The following ABI3BP variants were observed in gnomAD, a reference collection of about 807,000 sequenced individuals.
ABI3BP encodes ABI family member 3 binding protein, also known as target of Nesh-SH3.
In ABI3BP, 216 loss-of-function variants were observed where a neutral mutation model predicts 268.6. The ratio of observed to expected loss-of-function variants is 0.80; its 90% CI spans 0.72 to 0.90. The LOEUF (loss-of-function observed/expected upper bound fraction) is 0.90. Among genes scored for constraint, ABI3BP ranks in the 40% least tolerant of loss-of-function variants. The pLI, the probability that ABI3BP is intolerant of heterozygous loss-of-function variation, is 0.00. For missense variants in ABI3BP, 2,090 were observed against 2,182.4 expected, an observed-to-expected ratio of 0.96 and a Z score of 0.84; for synonymous variants, 730 against 730.0, an observed-to-expected ratio of 1.00 and a Z score of 0.00.
chr3:100,984,472 C>T (rs17398929), intron 1 of ABI3BP, among the ~76,000 whole-genome samples: 2,509 of 152,270 alleles, frequency 0.016, 38 homozygotes, highest in Non-Finnish European at 0.025. Context: ...AAAGTATGAT[C>T]CTTGACTGGA....
Position 100,750,370 on chromosome 3 carries a change from A to G in ABI3BP, c.*125T>C. 3 of 613,222 alleles carry G rather than the reference A, an allele frequency of 4.9e-6. No homozygotes were observed. The highest frequency in any genetic ancestry group is 8.2e-6 in the Non-Finnish European group (3 of 365,888). 38.0% of individuals were successfully genotyped at this position (613,222 alleles called of 1,614,324 possible). A position where few individuals can be genotyped will look rare whatever the true frequency, so the allele number is the denominator to read the frequency against. On this transcript the variant is annotated 3_prime_UTR_variant, in exon 68 of 68. Coordinates refer to ENST00000471714, the MANE Select transcript of ABI3BP (RefSeq NM_001375547.2). Reference sequence around the variant, plus strand: ...TCTTTTCTAATAATAAACATCTAGTATTGCTATTAATTAGATTGTAGACTT... The same window carrying G: ...TCTTTTCTAATAATAAACATCTAGTGTTGCTATTAATTAGATTGTAGACTT...
chr3:100,833,741 G>T (rs995865493), intron 29 of ABI3BP, among the ~76,000 whole-genome samples: 1 of 152,286 alleles, frequency 6.6e-6, no homozygotes, highest in Admixed American at 6.5e-5. Context: ...TCTAGGTTAG[G>T]AGAGCGTGCT....
intron 4 of ABI3BP, among the ~76,000 whole-genome samples, chr3:100,892,437 T>A (rs2045165718): frequency 6.6e-6 from 1 of 152,244 alleles, no homozygotes; most frequent in Non-Finnish European, 1.5e-5. Flanking sequence ...AATAAAGTGA[T>A]GGGAAAAGTA....
chr3:100,872,018 AT>A (rs540869593), intron 9 of ABI3BP, among the ~76,000 whole-genome samples: 50 of 152,048 alleles, frequency 3.3e-4, no homozygotes, highest in Admixed American at 5.9e-4. Flanking sequence ...TTATTTTAAT[AT>A]TTTTTGTAAA....
At chr3:100,818,299 C>T (rs565169503) in intron 41 of ABI3BP, among the ~76,000 whole-genome samples, 6 of 152,316 alleles carry the variant, frequency 3.9e-5, no homozygotes, top group African/African-American at 1.2e-4. Context: ...TCGCATGACA[C>T]ATTGAACGGT....
At chr3:100,886,110 G>A in intron 5 of ABI3BP, 32 bp downstream of exon 5, 1 of 1,501,562 alleles carries the variant, frequency 6.7e-7, no homozygotes, top group Non-Finnish European at 8.9e-7. Context: ...AATTATAAAA[G>A]CTTACTGAAA....
Position 100,841,194 on chromosome 3 carries a change from C to CTTTTTTTT in ABI3BP, c.1766-344_1766-337dup, listed in dbSNP as rs60261694. 6.9e-3 allele frequency among the ~76,000 whole-genome samples: 275 copies of CTTTTTTTT among 39,596 alleles called. 25 individuals carry two copies. Among genetic ancestry groups the CTTTTTTTT allele is most frequent in the Middle Eastern group, 0.026 (1 of 38 alleles). The allele number at this position is 39,596 out of a possible 152,430, so 26.0% of individuals were successfully genotyped here. A position where few individuals can be genotyped will look rare whatever the true frequency, so the allele number is the denominator to read the frequency against. The stretch of plus-strand genomic sequence containing the variant: ...AATTGGCTAAGATGGCATTAGAACA[C>CTTTTTTTT]TTTTTTTTTTTTTTTTTTTTTTTTT... On this transcript the variant is annotated intron_variant, in intron 21 of 67. Transcript: ENST00000471714.
chr3:100,749,458 T>C lies in ABI3BP; in HGVS notation c.*1037A>G, dbSNP rs1006857775. On this transcript the variant is annotated 3_prime_UTR_variant, in exon 68 of 68. Coordinates refer to ENST00000471714, the MANE Select transcript of ABI3BP (RefSeq NM_001375547.2). ...CAGGGAAAGGTCCTTTCAGAATGAC[T>C]GCAACAGTGCAGCAAGGATTCCCAT... The C allele has an allele frequency of 2.4e-4, 94 of 393,286 alleles. No individual in the cohort carries two copies. The Middle Eastern group carries it at 3.2e-3, about 13-fold the overall frequency. 24.4% of individuals were successfully genotyped at this position (393,286 alleles called of 1,614,324 possible).
intron 16 of ABI3BP, 111 bp downstream of exon 16, chr3:100,850,545 GGATA>G (rs1338860296): frequency 1.2e-4 from 91 of 752,208 alleles, no homozygotes; most frequent in Non-Finnish European, 4.7e-5. Context: ...TTGAGAAATA[GGATA>G]GATAAATGAT....
chr3:100,766,081 G>T (rs2096257188), intron 62 of ABI3BP, 132 bp from the exon 63 acceptor site: 1 of 633,348 alleles, frequency 1.6e-6, no homozygotes, highest in South Asian at 2.0e-5. Context: ...GAGACATATT[G>T]ATCTTACACA....
chr3:100,848,679 G>T, intron 18 of ABI3BP, 122 bp downstream of exon 18: 2 of 877,860 alleles, frequency 2.3e-6, no homozygotes, highest in Non-Finnish European at 3.7e-6. Flanking sequence ...CTCCTGCCTT[G>T]GCCTCCCAAA....
chr3:100,899,757 A>G (rs1355482281), intron 3 of ABI3BP, among the ~76,000 whole-genome samples: 4 of 152,222 alleles, frequency 2.6e-5, no homozygotes, highest in Admixed American at 6.5e-5. Flanking sequence ...TAATAAAACT[A>G]CACAGAATAT....
intron 10 of ABI3BP, 42 bp downstream of exon 10, chr3:100,866,837 T>C (rs781614931): frequency 1.3e-6 from 2 of 1,554,558 alleles, no homozygotes; most frequent in African/African-American, 1.4e-5. Flanking sequence ...AAAAAAAGCA[T>C]TTTTTCTTTT....
chr3:100,792,758 G>C lies in ABI3BP; in HGVS notation c.3957C>G (p.Asp1319Glu). 6.2e-7 allele frequency: 1 copy of C among 1,611,104 alleles called. No homozygotes were observed. The highest frequency in any genetic ancestry group is 1.3e-5 in the African/African-American group (1 of 74,848). Residue 1319 changes from aspartate to glutamate, a missense_variant, in exon 55 of 68, where the codon GAC becomes GAG. Coordinates refer to ENST00000471714, the MANE Select transcript of ABI3BP (RefSeq NM_001375547.2). ...EELQTTLEET[D>E]QSTQEPFTTK... is the part of the protein sequence containing the mutation. ...TTGTGAAAGGTTCTTGGGTGGATTG[G>C]TCTGTTTCTTCTAGAGAAAACACAG... is the stretch of plus-strand genomic sequence containing the variant.
In ABI3BP at chr3:100,750,292, G is replaced by A. The variant is rs72928698; in HGVS notation, c.*203C>T. The A allele has an allele frequency of 0.019, 8,781 of 456,366 alleles. 445 individuals carry two copies. The highest frequency in any genetic ancestry group is 0.13 in the African/African-American group (6,368 of 49,272). 28.3% of individuals were successfully genotyped at this position (456,366 alleles called of 1,614,324 possible). A position where few individuals can be genotyped will look rare whatever the true frequency, so the allele number is the denominator to read the frequency against. ...CAAAAATGTTATTCTGTTAACATCA[G>A]TATCTTGCTTTCTTAAAATGACTTT... On this transcript the variant is annotated 3_prime_UTR_variant, in exon 68 of 68. Coordinates refer to ENST00000471714, the MANE Select transcript of ABI3BP (RefSeq NM_001375547.2).
intron 8 of ABI3BP, among the ~76,000 whole-genome samples, chr3:100,875,220 C>T (rs1318396813): frequency 1.3e-5 from 2 of 152,132 alleles, no homozygotes; most frequent in African/African-American, 4.8e-5. Flanking sequence ...TTATCAATAA[C>T]AATGATTTTT....
chr3:100,812,887 A>AT lies in ABI3BP; in HGVS notation c.3365-365dup, dbSNP rs1038371934. 6.8e-4 allele frequency among the ~76,000 whole-genome samples: 103 copies of AT among 151,688 alleles called. 1 individual carries two copies. The highest frequency in any genetic ancestry group is 8.0e-4 in the Non-Finnish European group (54 of 67,848). On this transcript the variant is annotated intron_variant, in intron 45 of 67. Coordinates refer to ENST00000471714, the MANE Select transcript of ABI3BP (RefSeq NM_001375547.2). ...ATACTGACTTTTAAAATTTGCATCC[A>AT]TTTTTTTTTCCCCAGACAGGGTCTG...
chr3:100,877,692 G>C (rs1016401988), intron 6 of ABI3BP, among the ~76,000 whole-genome samples: 20 of 152,180 alleles, frequency 1.3e-4, no homozygotes, highest in African/African-American at 4.6e-4. Flanking sequence ...TTAGAGTTGA[G>C]TTGAAAGGGC....
intron 41 of ABI3BP, among the ~76,000 whole-genome samples, chr3:100,817,702 C>T (rs565134234): frequency 6.6e-6 from 1 of 152,286 alleles, no homozygotes; most frequent in South Asian, 2.1e-4. Context: ...ACAAAACATT[C>T]TCCTAGATGT....
Sources: gnomAD v4.1 joint callset for allele counts (sites outside exome capture counted in the v4.1 genomes callset) on GRCh38, gnomAD v4.1.1 for gene constraint, MANE v1.5 for transcripts, NCBI Gene and HGNC (gene_info 2026-07-23, HGNC 2026-07-21) for gene names.